Variants in NCAM2 observed in about 807,000 individuals in gnomAD.
NCAM2 encodes neural cell adhesion molecule 2, also known as N-CAM-2.
In NCAM2, 30 loss-of-function variants were observed where a neutral mutation model predicts 98.1. The observed-to-expected ratio is 0.31, with a 90% CI of 0.23 to 0.41. The LOEUF (loss-of-function observed/expected upper bound fraction) is 0.41, where lower values mean the gene tolerates loss of function less well. Ranked by LOEUF, NCAM2 falls within the 10% of genes least tolerant of loss-of-function variation. The pLI is 1.00. For missense variants in NCAM2, 867 were observed against 1,005.8 expected, an observed-to-expected ratio of 0.86 and a Z score of 1.87; for synonymous variants, 368 against 342.4, an observed-to-expected ratio of 1.07 and a Z score of -0.83.
chr21:21,056,523 T>TGCGCGCGCGC (rs139613040), intron 1 of NCAM2, among the ~76,000 whole-genome samples: 3 of 145,286 alleles, frequency 2.1e-5, no homozygotes, highest in African/African-American at 7.6e-5. Context: ...TGTGTGTGTG[T>TGCGCGCGCGC]GCATGAGAGA....
intron 9 of NCAM2, among the ~76,000 whole-genome samples, chr21:21,374,682 T>G (rs1292534459): frequency 6.6e-6 from 1 of 151,842 alleles, no homozygotes; most frequent in Non-Finnish European, 1.5e-5. Context: ...AGGAAGAAAC[T>G]TAACATCATT....
intron 13 of NCAM2, 93 bp from the exon 14 acceptor site, chr21:21,468,568 AT>A (rs1410475289): frequency 8.8e-6 from 11 of 1,250,166 alleles, no homozygotes; most frequent in Non-Finnish European, 1.2e-5. Flanking sequence ...AACACCATAT[AT>A]TTTGATTACA....
In NCAM2 at chr21:21,292,042, G is replaced by A. The variant is rs886459366; in HGVS notation, c.482-62G>A. ...CCATATTTTAACTCTTAACAATTTA[G>A]AGCACTCTGGACTTAGCCTTCAATT... On this transcript the variant is annotated intron_variant, in intron 4 of 17. Coordinates refer to ENST00000400546, the MANE Select transcript of NCAM2 (RefSeq NM_004540.5). 3 of 1,494,470 alleles carry A rather than the reference G, an allele frequency of 2.0e-6. No homozygotes were observed. In the Admixed American group the frequency reaches 6.2e-5, roughly 31 times the overall value. The allele number at this position is 1,494,470 out of a possible 1,614,324, so 92.6% of individuals were successfully genotyped here.
chr21:21,501,429 T>A (rs1987624444), intron 15 of NCAM2, among the ~76,000 whole-genome samples: 1 of 151,970 alleles, frequency 6.6e-6, no homozygotes, highest in Non-Finnish European at 1.5e-5. Flanking sequence ...TGTAATTCAA[T>A]GGATGAAATT....
At chr21:21,460,317 ATG>A (rs1982782201) in intron 12 of NCAM2, among the ~76,000 whole-genome samples, 1 of 151,926 alleles carries the variant, frequency 6.6e-6, no homozygotes, top group East Asian at 1.9e-4. Flanking sequence ...AGCTAGAATC[ATG>A]TTCAAATCCA....
intron 9 of NCAM2, among the ~76,000 whole-genome samples, chr21:21,375,495 G>A (rs1219778144): frequency 1.3e-5 from 2 of 151,626 alleles, no homozygotes; most frequent in Non-Finnish European, 3.0e-5. Context: ...GGAAAGCATT[G>A]ATAATATTGA....
intron 5 of NCAM2, among the ~76,000 whole-genome samples, chr21:21,302,815 G>A (rs558193192): frequency 6.6e-6 from 1 of 152,172 alleles, no homozygotes; most frequent in Non-Finnish European, 1.5e-5. Context: ...GTTCATCACT[G>A]CACTATTCAC....
chr21:21,534,553 GAACC>G lies in NCAM2; in HGVS notation c.2302_2305del (p.Pro768Ter). 6.3e-7 allele frequency: 1 copy of G among 1,596,234 alleles called. No homozygotes were observed. Among genetic ancestry groups the G allele is most frequent in the Non-Finnish European group, 8.5e-7 (1 of 1,169,694 alleles). On this transcript the variant is annotated frameshift_variant, in exon 17 of 18. Coordinates refer to ENST00000400546, the MANE Select transcript of NCAM2 (RefSeq NM_004540.5). LOFTEE classifies it high-confidence loss of function. ...TGTTTCTAGGAAAGATGGATCAAAA[GAACC>G]AATAGTGGAGATGAGAACAGAGGAT...
At chr21:21,060,770 G>T (rs1226021210) in intron 1 of NCAM2, among the ~76,000 whole-genome samples, 3 of 152,016 alleles carry the variant, frequency 2.0e-5, no homozygotes, top group Non-Finnish European at 4.4e-5. Context: ...CTATTTGTTG[G>T]CTTATTTTAA....
intron 10 of NCAM2, among the ~76,000 whole-genome samples, chr21:21,411,103 CATAT>C (rs2076865078): frequency 1.4e-5 from 1 of 69,652 alleles, no homozygotes; most frequent in East Asian, 3.1e-4. Context: ...TATATATATA[CATAT>C]ATATGTATAT....
intron 1 of NCAM2, among the ~76,000 whole-genome samples, chr21:21,219,862 T>C (rs1882405367): frequency 6.6e-6 from 1 of 152,190 alleles, no homozygotes; most frequent in South Asian, 2.1e-4. Flanking sequence ...GTGATATTGA[T>C]AATTCTGATT....
intron 5 of NCAM2, among the ~76,000 whole-genome samples, chr21:21,297,721 A>G (rs1243618167): frequency 8.7e-6 from 1 of 115,394 alleles, no homozygotes; most frequent in East Asian, 2.1e-4. Flanking sequence ...TAAATAATAC[A>G]CACTGTACTA....
At chr21:21,164,619 G>A (rs1289662750) in intron 1 of NCAM2, among the ~76,000 whole-genome samples, 2 of 152,108 alleles carry the variant, frequency 1.3e-5, no homozygotes, top group Admixed American at 6.5e-5. Context: ...AAAACCAAAC[G>A]AGGCAATTAC....
At chr21:21,192,277 G>A (rs1036416614) in intron 1 of NCAM2, among the ~76,000 whole-genome samples, 6 of 151,822 alleles carry the variant, frequency 4.0e-5, no homozygotes, top group African/African-American at 1.2e-4. Flanking sequence ...GAGAGGAGAA[G>A]AAGCAAATGA....
At chr21:21,290,937 C>G (rs370984579) in intron 4 of NCAM2, among the ~76,000 whole-genome samples, 1 of 151,802 alleles carries the variant, frequency 6.6e-6, no homozygotes, top group Non-Finnish European at 1.5e-5. Context: ...ATCCTTTCCA[C>G]GATCAGGCTG....
In NCAM2 at chr21:21,541,800, T is replaced by G. The variant is rs1011767909; in HGVS notation, c.*3843T>G. On this transcript the variant is annotated 3_prime_UTR_variant, in exon 18 of 18. Transcript: ENST00000400546. ...TTTTTCACAGAAAATAAGGTAAACA[T>G]TCAACTTAAATCCCCCATGAAGTTT... 4.0e-5 allele frequency: 6 copies of G among 151,776 alleles called. No individual in the cohort carries two copies. The highest frequency in any genetic ancestry group is 1.4e-4 in the African/African-American group (6 of 41,412). The allele number at this position is 151,776 out of a possible 1,614,324, so 9.4% of individuals were successfully genotyped here.
chr21:21,522,648 T>TTTTCA (rs1989092995), intron 16 of NCAM2, among the ~76,000 whole-genome samples: 1 of 149,544 alleles, frequency 6.7e-6, no homozygotes, highest in African/African-American at 2.4e-5. Context: ...TTTTTTTTTT[T>TTTTCA]GAGACAGAGT....
intron 1 of NCAM2, among the ~76,000 whole-genome samples, chr21:21,256,339 A>T (rs1391707450): frequency 6.6e-6 from 1 of 152,104 alleles, no homozygotes; most frequent in Non-Finnish European, 1.5e-5. Flanking sequence ...CTGGGCAACA[A>T]GAGCAAAAAA....
intron 1 of NCAM2, among the ~76,000 whole-genome samples, chr21:21,127,145 A>T (rs1274414801): frequency 6.6e-6 from 1 of 151,964 alleles, no homozygotes; most frequent in African/African-American, 2.4e-5. Context: ...GTAGTTTTTT[A>T]GATAATCCTT....
Sources: allele counts gnomAD v4.1 joint callset (sites outside exome capture counted in the v4.1 genomes callset), GRCh38; gene constraint gnomAD v4.1.1; transcripts MANE v1.5; gene names NCBI Gene and HGNC (gene_info 2026-07-23, HGNC 2026-07-21).